ZNF143: variants seen among roughly 807,000 people sequenced by gnomAD.
ZNF143 encodes SPH-binding factor.
In ZNF143, 49 loss-of-function variants were observed where a neutral mutation model predicts 74.1. The observed-to-expected ratio is 0.66, with a 90% CI of 0.53 to 0.84. ZNF143 has a LOEUF of 0.84. Ranked by LOEUF, ZNF143 falls within the 40% of genes least tolerant of loss-of-function variation. ZNF143 has a pLI of 0.00. For synonymous variants in ZNF143, 304 were observed against 282.8 expected, an observed-to-expected ratio of 1.07 and a Z score of -0.75; for missense variants, 637 against 793.4, an observed-to-expected ratio of 0.80 and a Z score of 2.37.
At chr11:9,498,345 A>G (rs900135331) in intron 10 of ZNF143, among the ~76,000 whole-genome samples, 1 of 152,190 alleles carries the variant, frequency 6.6e-6, no homozygotes, top group Non-Finnish European at 1.5e-5. Flanking sequence ...CTAGACCACG[A>G]GCTCTCTCAG....
chr11:9,493,868 G>C (rs1477328269), intron 7 of ZNF143, among the ~76,000 whole-genome samples: 5 of 152,272 alleles, frequency 3.3e-5, no homozygotes, highest in African/African-American at 1.2e-4. Flanking sequence ...ATCTTCTAGT[G>C]AATATAAGTA....
intron 1 of ZNF143, among the ~76,000 whole-genome samples, chr11:9,468,393 C>T (rs1856371346): frequency 6.6e-6 from 1 of 152,186 alleles, no homozygotes; most frequent in African/African-American, 2.4e-5. Context: ...GGTCCTATCT[C>T]TGTTGTCACT....
chr11:9,503,964 T>C (rs190182249), intron 11 of ZNF143, among the ~76,000 whole-genome samples: 4,719 of 131,744 alleles, frequency 0.036, 272 homozygotes, highest in African/African-American at 0.12. Flanking sequence ...TTTTTTTTTT[T>C]TTTTTTTTTT....
chr11:9,483,951 T>C (rs1382752057), intron 7 of ZNF143, among the ~76,000 whole-genome samples: 1 of 150,936 alleles, frequency 6.6e-6, no homozygotes, highest in Non-Finnish European at 1.5e-5. Flanking sequence ...GGTTTCACCA[T>C]GTTGGCTAGG....
At chr11:9,468,865 G>T (rs1440139791) in intron 1 of ZNF143, among the ~76,000 whole-genome samples, 1 of 152,042 alleles carries the variant, frequency 6.6e-6, no homozygotes, top group East Asian at 1.9e-4. Flanking sequence ...TGGGCACGGT[G>T]GCTCACACCT....
chr11:9,516,389 T>C (rs1848725126), intron 14 of ZNF143, 27 bp downstream of exon 14: 1 of 1,577,362 alleles, frequency 6.3e-7, no homozygotes, highest in Admixed American at 1.8e-5. Context: ...GTTATGTCAA[T>C]CAATACATAT....
At chr11:9,474,222 G>C (rs945744842) in intron 4 of ZNF143, among the ~76,000 whole-genome samples, 198 bp downstream of exon 4, 1 of 152,170 alleles carries the variant, frequency 6.6e-6, no homozygotes, top group African/African-American at 2.4e-5. Flanking sequence ...TTACTGGACT[G>C]CACTGTGGAG....
rs1018761415 is a variant in ZNF143 at position 9,485,938 on chromosome 11, TCTCA to T, written c.645+6396_645+6399del. 1.3e-5 allele frequency among the ~76,000 whole-genome samples: 2 copies of T among 151,214 alleles called. 1 individual carries two copies. The highest frequency in any genetic ancestry group is 4.9e-5 in the African/African-American group (2 of 40,574). ...TGTTTATCCTCAACCCTACTGAGTCTCTCACTCTATAATTACAGAAGCTCTGCCA... is the reference window on the plus strand; with the variant it reads ...TGTTTATCCTCAACCCTACTGAGTCTCTCTATAATTACAGAAGCTCTGCCA... On this transcript the variant is annotated intron_variant, in intron 7 of 15. Transcript: ENST00000396602.
chr11:9,513,636 C>G (rs900489471), intron 13 of ZNF143, among the ~76,000 whole-genome samples: 1 of 152,212 alleles, frequency 6.6e-6, no homozygotes, highest in East Asian at 1.9e-4. Flanking sequence ...AGGCTTACGC[C>G]TATAATCACA....
intron 14 of ZNF143, among the ~76,000 whole-genome samples, chr11:9,524,526 A>C (rs1849056918): frequency 1.3e-5 from 2 of 152,232 alleles, no homozygotes; most frequent in South Asian, 4.1e-4. Flanking sequence ...CAAGTAAAAC[A>C]GCAGTTTTCA....
intron 1 of ZNF143, among the ~76,000 whole-genome samples, chr11:9,466,519 C>T (rs1276048348): frequency 6.6e-6 from 1 of 152,036 alleles, no homozygotes; most frequent in African/African-American, 2.4e-5. Context: ...TGGTCTCGAA[C>T]TCCTGACCTC....
intron 14 of ZNF143, among the ~76,000 whole-genome samples, chr11:9,519,392 C>T (rs1364305849): frequency 5.9e-5 from 9 of 152,046 alleles, no homozygotes; most frequent in South Asian, 4.1e-4. Flanking sequence ...GTGATCTGCC[C>T]GCCTCGGCCT....
At chr11:9,463,812 G>A (rs1238802157) in intron 1 of ZNF143, 4 of 149,756 alleles carry the variant, frequency 2.7e-5, no homozygotes, top group Non-Finnish European at 5.9e-5. Flanking sequence ...CTACTACATG[G>A]TTTTATTTTT....
chr11:9,468,388 T>C (rs1856370900), intron 1 of ZNF143, among the ~76,000 whole-genome samples: 2 of 152,232 alleles, frequency 1.3e-5, no homozygotes, highest in Admixed American at 6.5e-5. Flanking sequence ...TAGTAGGTCC[T>C]ATCTCTGTTG....
chr11:9,510,155 C>T (rs1475795344), intron 12 of ZNF143, among the ~76,000 whole-genome samples: 4 of 148,522 alleles, frequency 2.7e-5, no homozygotes, highest in Non-Finnish European at 5.9e-5. Context: ...GATGGAGTCT[C>T]GCTCTGTTGC....
At chr11:9,478,368 G>A (rs760867342) in intron 5 of ZNF143, 22 bp from the exon 6 acceptor site, 4 of 1,586,404 alleles carry the variant, frequency 2.5e-6, no homozygotes, top group Admixed American at 1.7e-5. Flanking sequence ...TAATTTAATG[G>A]CATTCTCTTC....
chr11:9,472,493 C>T (rs879681242), intron 2 of ZNF143, among the ~76,000 whole-genome samples, 184 bp from the exon 3 acceptor site: 1 of 152,156 alleles, frequency 6.6e-6, no homozygotes, highest in Non-Finnish European at 1.5e-5. Flanking sequence ...ACCTCATGAT[C>T]CACTTGCCTT....
chr11:9,461,555 C>G (rs937114153), intron 1 of ZNF143: 1 of 152,138 alleles, frequency 6.6e-6, no homozygotes, highest in African/African-American at 2.4e-5. Context: ...CTGGCCCAGG[C>G]CCTCCCAGGA....
chr11:9,468,869 C>G (rs1199605130), intron 1 of ZNF143, among the ~76,000 whole-genome samples: 2 of 152,016 alleles, frequency 1.3e-5, no homozygotes, highest in African/African-American at 2.4e-5. Flanking sequence ...CACGGTGGCT[C>G]ACACCTGTAA....
Sources: allele counts gnomAD v4.1 joint callset (sites outside exome capture counted in the v4.1 genomes callset), GRCh38; gene constraint gnomAD v4.1.1; transcripts MANE v1.5; gene names NCBI Gene and HGNC (gene_info 2026-07-23, HGNC 2026-07-21).